SEC63: variants seen among roughly 807,000 people sequenced by gnomAD.
The protein encoded by SEC63 is translocation protein SEC63 homolog.
SEC63 carries 56 observed loss-of-function variants against 116.2 expected under a neutral mutation model. That is an observed-to-expected ratio of 0.48 (90% CI 0.39 to 0.60). SEC63 has a LOEUF of 0.60. Among genes scored for constraint, SEC63 ranks in the 20% least tolerant of loss-of-function variants. The pLI, the probability that SEC63 is intolerant of heterozygous loss-of-function variation, is 0.00. For missense variants in SEC63, 668 were observed against 900.0 expected (o/e 0.74, Z 3.30); for synonymous variants, 273 against 294.6 (o/e 0.93, Z 0.75).
At chr6:107,884,250 C>CAAA (rs35806948) in intron 16 of SEC63, among the ~76,000 whole-genome samples, 1 of 111,936 alleles carries the variant, frequency 8.9e-6, no homozygotes, top group East Asian at 2.5e-4. Flanking sequence ...GACTCTGTCT[C>CAAA]AAAAAAAAAA....
intron 1 of SEC63, among the ~76,000 whole-genome samples, chr6:107,933,223 C>T (rs34961014): frequency 1.0e-3 from 154 of 152,298 alleles, no homozygotes; most frequent in Middle Eastern, 3.4e-3. Flanking sequence ...AGATTCTACC[C>T]TAGAGCCTCC....
intron 1 of SEC63, among the ~76,000 whole-genome samples, chr6:107,951,711 C>T (rs990264124): frequency 2.0e-5 from 3 of 151,762 alleles, no homozygotes; most frequent in Admixed American, 1.3e-4. Flanking sequence ...GGGCCGGGCG[C>T]GGTGGCTCAA....
In SEC63 at chr6:107,958,048, G is replaced by A. The variant is rs779387862; in HGVS notation, c.-39C>T. On this transcript the variant is annotated 5_prime_UTR_variant, in exon 1 of 21. Transcript: ENST00000369002. ...CCGCCTCGCTCTTCTCACCGCCGCC[G>A]CCACGACCACGCTCTGCACTCCCGC... The A allele has an allele frequency of 1.2e-6, 2 of 1,610,900 alleles. No homozygotes were observed. The highest frequency in any genetic ancestry group is 2.2e-5 in the South Asian group (2 of 91,022).
rs1787276758 is a variant in SEC63, at chr6:107,911,206, C to T, written c.624+140G>A. 2.1e-5 allele frequency: 15 copies of T among 698,292 alleles called. 1 individual carries two copies. In the South Asian group the frequency reaches 2.4e-4, roughly 11 times the overall value. 43.3% of individuals were successfully genotyped at this position (698,292 alleles called of 1,614,324 possible). ...ACCTAGGCTCAAGCGATCCTCCCAC[C>T]TCACCTTCAGTGGCAAGACTCTTAA... On this transcript the variant is annotated intron_variant, in intron 7 of 20. Transcript: ENST00000369002.
At chr6:107,897,503 T>G in intron 14 of SEC63, 146 bp downstream of exon 14, 1 of 687,832 alleles carries the variant, frequency 1.5e-6, no homozygotes, top group Non-Finnish European at 2.6e-6. Context: ...CTCATGAAAA[T>G]TAATTTAAAA....
Position 107,958,014 on chromosome 6 carries a change from C to A in SEC63, c.-5G>T. On this transcript the variant is annotated 5_prime_UTR_variant, in exon 1 of 21. Transcript: ENST00000369002. ...CTGGAACTGCTGCCCGGCCATGGCA[C>A]CCCCTCCTCCGCCTCGCTCTTCTCA... The A allele has an allele frequency of 6.2e-7, 1 of 1,613,016 alleles. No individual in the cohort carries two copies. Among genetic ancestry groups the A allele is most frequent in the South Asian group, 1.1e-5 (1 of 91,082 alleles).
chr6:107,894,460 C>A (rs1238656992), intron 14 of SEC63, among the ~76,000 whole-genome samples: 2 of 151,714 alleles, frequency 1.3e-5, no homozygotes, highest in Admixed American at 6.6e-5. Flanking sequence ...GATTGCTTGA[C>A]CCCAAGAGTT....
At chr6:107,886,774 T>C (rs1237020592) in intron 16 of SEC63, among the ~76,000 whole-genome samples, 2 of 152,108 alleles carry the variant, frequency 1.3e-5, no homozygotes, top group Non-Finnish European at 1.5e-5. Context: ...GTCAGATGGA[T>C]AGATTATAAA....
At chr6:107,886,845 G>GTTTTTTTTTTTTTTTTTTTTTT (rs34959288) in intron 16 of SEC63, among the ~76,000 whole-genome samples, 1 of 128,102 alleles carries the variant, frequency 7.8e-6, no homozygotes, top group African/African-American at 2.9e-5. Context: ...GTTTTTTTGG[G>GTTTTTTTTTTTTTTTTTTTTTT]TTTTTTTTTT....
At position 107,904,707 on chromosome 6, in the gene SEC63, G is replaced by T; in HGVS notation, c.976C>A (p.Leu326Ile). Residue 326 changes from leucine to isoleucine, a missense_variant, in exon 11 of 21, where the codon CTA becomes ATA. Physicochemically the swap from Leu to Ile is conservative, Grantham distance 5. This residue lies in a region of SEC63 where 430 missense variants were observed against 557.5 expected (regional missense o/e 0.77). Coordinates refer to ENST00000369002, the MANE Select transcript of SEC63 (RefSeq NM_007214.5). The part of the protein sequence containing the change: ...ETLEEDQQFM[L>I]KKCPALLQEM... Reference sequence around the variant, plus strand: ...TGAAGTAGGGCAGGACACTTTTTTAGCATGAATTGCTGATCTGCAAAACAA... The same window carrying T: ...TGAAGTAGGGCAGGACACTTTTTTATCATGAATTGCTGATCTGCAAAACAA... 1.2e-6 allele frequency: 2 copies of T among 1,612,286 alleles called. No individual in the cohort carries two copies. The highest frequency in any genetic ancestry group is 8.5e-7 in the Non-Finnish European group (1 of 1,178,352).
chr6:107,946,921 T>C (rs1770491989), intron 1 of SEC63, among the ~76,000 whole-genome samples: 1 of 152,146 alleles, frequency 6.6e-6, no homozygotes, highest in Non-Finnish European at 1.5e-5. Flanking sequence ...GGAGAATCAC[T>C]TGAACCCAGG....
intron 18 of SEC63, among the ~76,000 whole-genome samples, chr6:107,879,137 G>C (rs1182217493): frequency 6.6e-6 from 1 of 152,164 alleles, no homozygotes; most frequent in Admixed American, 6.5e-5. Context: ...AGAGAGGTTA[G>C]AAAGATCCTA....
At chr6:107,940,749 A>G (rs768467716) in intron 1 of SEC63, among the ~76,000 whole-genome samples, 1 of 151,582 alleles carries the variant, frequency 6.6e-6, no homozygotes, top group Non-Finnish European at 1.5e-5. Context: ...TAAATGGATG[A>G]AAACGCAACA....
chr6:107,909,957 C>T (rs1787237595), intron 7 of SEC63, among the ~76,000 whole-genome samples: 1 of 152,030 alleles, frequency 6.6e-6, no homozygotes, highest in African/African-American at 2.4e-5. Context: ...AAAAATGAGG[C>T]TTTTCTATAT....
At chr6:107,938,417 ATT>A (rs1369312925) in intron 1 of SEC63, among the ~76,000 whole-genome samples, 2 of 151,344 alleles carry the variant, frequency 1.3e-5, no homozygotes, top group South Asian at 4.2e-4. Flanking sequence ...TGCCTGACTA[ATT>A]TTTTTTCATA....
intron 11 of SEC63, among the ~76,000 whole-genome samples, 193 bp downstream of exon 11, chr6:107,904,436 C>T (rs558883316): frequency 1.1e-4 from 16 of 151,410 alleles, no homozygotes; most frequent in African/African-American, 3.6e-4. Flanking sequence ...AAAAAAAACC[C>T]AGTGAGCTGT....
chr6:107,885,698 T>C (rs1444539646), intron 16 of SEC63, among the ~76,000 whole-genome samples: 1 of 152,016 alleles, frequency 6.6e-6, no homozygotes, highest in African/African-American at 2.4e-5. Context: ...GTTAAGAAAA[T>C]TTTGATCAGT....
At chr6:107,920,425 C>CAAAAAAAAAA (rs34816965) in intron 4 of SEC63, among the ~76,000 whole-genome samples, 19 of 73,394 alleles carry the variant, frequency 2.6e-4, no homozygotes, top group Non-Finnish European at 3.8e-4. Flanking sequence ...GACTCCGTCT[C>CAAAAAAAAAA]AAAAAAAAAA....
intron 1 of SEC63, among the ~76,000 whole-genome samples, chr6:107,937,893 TGTTGA>T (rs1770291916): frequency 6.6e-6 from 1 of 152,228 alleles, no homozygotes. Context: ...ATTTTTTGCT[TGTTGA>T]GTTGTTTAAG....
Sources: allele counts gnomAD v4.1 joint callset (sites outside exome capture counted in the v4.1 genomes callset), GRCh38; gene constraint gnomAD v4.1.1; regional missense constraint gnomAD v4.1.1; transcripts MANE v1.5; gene names NCBI Gene and HGNC (gene_info 2026-07-23, HGNC 2026-07-21).